The following HECW1 variants were observed in gnomAD, a reference collection of about 807,000 sequenced individuals.
The protein encoded by HECW1 is E3 ubiquitin-protein ligase HECW1.
Under a neutral mutation model 182.3 loss-of-function variants are expected in HECW1, and 61 were observed. The observed-to-expected ratio is 0.33, with a 90% CI of 0.27 to 0.41. The LOEUF (loss-of-function observed/expected upper bound fraction) is 0.41, where lower values mean the gene tolerates loss of function less well. HECW1 is among the 10% of genes least tolerant of loss of function. The pLI is 1.00. For missense variants in HECW1, 1,739 were observed against 2,108.9 expected (o/e 0.82, Z 3.44); for synonymous variants, 859 against 832.6 (o/e 1.03, Z -0.55).
chr7:43,290,092 G>A (rs771927890), intron 3 of HECW1, among the ~76,000 whole-genome samples: 1 of 152,208 alleles, frequency 6.6e-6, no homozygotes, highest in African/African-American at 2.4e-5. Flanking sequence ...TAAGGTGTCA[G>A]ACTCTTACTT....
intron 2 of HECW1, among the ~76,000 whole-genome samples, chr7:43,237,512 T>C (rs1391661659): frequency 6.6e-6 from 1 of 152,162 alleles, no homozygotes; most frequent in East Asian, 1.9e-4. Flanking sequence ...TTGCATGACA[T>C]TGGGCATATT....
intron 3 of HECW1, among the ~76,000 whole-genome samples, chr7:43,263,570 A>G (rs186633878): frequency 1.3e-3 from 202 of 152,282 alleles, no homozygotes; most frequent in African/African-American, 4.6e-3. Flanking sequence ...CATATTGGCC[A>G]GGCTGGTCTT....
In HECW1 at chr7:43,541,128, C is replaced by G. The variant is rs769525548; in HGVS notation, c.4020-35C>G. On this transcript the variant is annotated intron_variant, in intron 24 of 29. Transcript: ENST00000395891. ...TAAAATATTTAACAATGTAAATTTCCACTTACCGATTTCTCTGCCTTGTCT... is the reference window on the plus strand; with the variant it reads ...TAAAATATTTAACAATGTAAATTTCGACTTACCGATTTCTCTGCCTTGTCT... 5.4e-6 allele frequency: 8 copies of G among 1,494,436 alleles called. No individual in the cohort carries two copies. In the South Asian group the frequency reaches 9.0e-5, roughly 17 times the overall value. The allele number at this position is 1,494,436 out of a possible 1,614,324, so 92.6% of individuals were successfully genotyped here.
chr7:43,249,373 C>A (rs1799797611), intron 3 of HECW1: 1 of 152,378 alleles, frequency 6.6e-6, no homozygotes, highest in African/African-American at 2.4e-5. Context: ...CCAGCAGGAC[C>A]AGAGCTGCCA....
chr7:43,407,387 C>G (rs1363731537), intron 7 of HECW1, among the ~76,000 whole-genome samples, 175 bp from the exon 8 acceptor site: 1 of 152,050 alleles, frequency 6.6e-6, no homozygotes. Context: ...CCTGTGCTAC[C>G]CACGTTTCCT....
intron 3 of HECW1, among the ~76,000 whole-genome samples, chr7:43,302,950 T>TGC (rs60618828): frequency 7.9e-5 from 12 of 151,704 alleles, no homozygotes; most frequent in Admixed American, 4.6e-4. Flanking sequence ...CACACACACA[T>TGC]GCGCGCACAC....
rs117663548 is a variant in HECW1 at position 43,239,211 on chromosome 7, A to T, written c.-31-4664A>T. ...GGGAGACGATCTAGTGAAACTCTTC[A>T]TCCCACCTCTTGGGCTCTTGCAACA... On this transcript the variant is annotated intron_variant, in intron 2 of 29. Coordinates refer to ENST00000395891, the MANE Select transcript of HECW1 (RefSeq NM_015052.5). The T allele has an allele frequency of 2.0e-5, 3 of 152,350 alleles. No homozygotes were observed. In the East Asian group the frequency reaches 5.8e-4, roughly 29 times the overall value. 9.4% of individuals were successfully genotyped at this position (152,350 alleles called of 1,614,324 possible). A position where few individuals can be genotyped will look rare whatever the true frequency, so the allele number is the denominator to read the frequency against.
chr7:43,213,394 A>G (rs1015215816), intron 2 of HECW1, among the ~76,000 whole-genome samples: 1 of 151,898 alleles, frequency 6.6e-6, no homozygotes, highest in South Asian at 2.1e-4. Flanking sequence ...TTGATTACTC[A>G]ACCTGGAAGA....
intron 24 of HECW1, chr7:43,509,792 T>A (rs955167561): frequency 6.6e-6 from 1 of 152,250 alleles, no homozygotes; most frequent in African/African-American, 2.4e-5. Context: ...AAATTACCGC[T>A]GTTCTGACTG....
At chr7:43,541,440 G>A (rs972237071) in intron 25 of HECW1, among the ~76,000 whole-genome samples, 179 bp downstream of exon 25, 1 of 152,074 alleles carries the variant, frequency 6.6e-6, no homozygotes, top group Non-Finnish European at 1.5e-5. Flanking sequence ...ACAATAAAAA[G>A]GTATTTGGGG....
Position 43,444,517 on chromosome 7 carries a change from A to T in HECW1, c.1345A>T (p.Ile449Phe), listed in dbSNP as rs1434963649. 1.9e-6 allele frequency: 3 copies of T among 1,611,768 alleles called. No individual in the cohort carries two copies. The highest frequency in any genetic ancestry group is 2.5e-6 in the Non-Finnish European group (3 of 1,179,098). ...GELLAQVQKD[I>F]QPAPSAEELA... ...GCTCCTGGCCCAGGTGCAAAAGGAC[A>T]TCCAGCCTGCCCCCAGTGCAGAAGA... Residue 449 changes from isoleucine (I) to phenylalanine (F), a missense_variant, in exon 11 of 30, where the codon ATC (isoleucine) becomes TTC (phenylalanine). Coordinates refer to ENST00000395891, the MANE Select transcript of HECW1 (RefSeq NM_015052.5). This position sits in a 1 kb window ranked among gnomAD's most constrained non-coding sequence, Gnocchi z 4.3.
At chr7:43,207,667 T>C (rs1583973912) in intron 2 of HECW1, 1 of 152,370 alleles carries the variant, frequency 6.6e-6, no homozygotes, top group South Asian at 2.1e-4. Flanking sequence ...TCCTCTGCTC[T>C]ACTTTTAACC....
At chr7:43,159,112 TA>T (rs1270108357) in intron 2 of HECW1, among the ~76,000 whole-genome samples, 1 of 144,764 alleles carries the variant, frequency 6.9e-6, no homozygotes. Flanking sequence ...ACAGTTTATT[TA>T]TTTATTTATT....
At chr7:43,330,732 T>C (rs889209765) in intron 5 of HECW1, among the ~76,000 whole-genome samples, 5 of 152,144 alleles carry the variant, frequency 3.3e-5, no homozygotes, top group Non-Finnish European at 7.3e-5. Flanking sequence ...CTGAAAGGTA[T>C]AGAGTGACTG....
At chr7:43,181,593 T>A (rs555621225) in intron 2 of HECW1, among the ~76,000 whole-genome samples, 4 of 150,936 alleles carry the variant, frequency 2.7e-5, no homozygotes, top group Admixed American at 2.0e-4. Flanking sequence ...ATTGGTGATG[T>A]TGAGTATTTT....
chr7:43,318,191 C>T (rs926619898), intron 4 of HECW1, among the ~76,000 whole-genome samples: 2 of 152,130 alleles, frequency 1.3e-5, no homozygotes, highest in Non-Finnish European at 2.9e-5. Context: ...TCCCAGTGAT[C>T]AGAGTGGAGA....
chr7:43,171,565 T>C (rs758060587), intron 2 of HECW1, among the ~76,000 whole-genome samples: 43 of 152,146 alleles, frequency 2.8e-4, no homozygotes, highest in Non-Finnish European at 5.4e-4. Flanking sequence ...GGAAACAGCC[T>C]CTTAAAAACC....
At chr7:43,388,834 C>T (rs1220335048) in intron 6 of HECW1, among the ~76,000 whole-genome samples, 2 of 152,166 alleles carry the variant, frequency 1.3e-5, no homozygotes, top group Non-Finnish European at 2.9e-5. Flanking sequence ...TGCCATGCAG[C>T]CCACTGCCCA....
chr7:43,312,027 A>C lies in HECW1; in HGVS notation c.292A>C (p.Ile98Leu). The change falls in exon 4 of 30, where the codon ATC becomes CTC. Residue 98 changes from isoleucine to leucine, a missense_variant. By Grantham distance (5) the Ile-to-Leu change is conservative. Transcript: ENST00000395891. ...CATCGGGCACTCTCAGGACCTGGTC[A>C]TCCACTGGGACATAAAGGAGGAAGT... ...YSIGHSQDLV[I>L]HWDIKEEVDA... The C allele has an allele frequency of 1.9e-6, 3 of 1,614,270 alleles. No individual in the cohort carries two copies. Among genetic ancestry groups the C allele is most frequent in the South Asian group, 1.1e-5 (1 of 91,088 alleles).
Sources: gnomAD v4.1 joint callset for allele counts (sites outside exome capture counted in the v4.1 genomes callset) on GRCh38, gnomAD v4.1.1 for gene constraint, Gnocchi (gnomAD v3.1) non-coding constraint, MANE v1.5 for transcripts, NCBI Gene and HGNC (gene_info 2026-07-23, HGNC 2026-07-21) for gene names.